The following WDR87 variants were observed in gnomAD, a reference collection of about 807,000 sequenced individuals.
The protein encoded by WDR87 is WD repeat-containing protein 87.
A neutral mutation model predicts 83.3 loss-of-function variants in WDR87; 56 were observed. The observed-to-expected ratio is 0.67, with a 90% CI of 0.54 to 0.84. The LOEUF (loss-of-function observed/expected upper bound fraction) is 0.84, where lower values mean the gene tolerates loss of function less well. WDR87 is among the 40% of genes least tolerant of loss of function. The probability of loss-of-function intolerance (pLI) is 0.00; values close to 1 mark genes in which losing one functional copy is unlikely to be tolerated. For synonymous variants in WDR87, 1,173 were observed against 1,250.6 expected (o/e 0.94, Z 1.31); for missense variants, 2,939 against 3,431.9 (o/e 0.86, Z 3.59).
intron 5 of WDR87, 96 bp downstream of exon 5, chr19:37,891,456 C>T: frequency 6.9e-7 from 1 of 1,445,578 alleles, no homozygotes; most frequent in Non-Finnish European, 9.2e-7. Flanking sequence ...GCCATCATGT[C>T]CCGCCAGCCC....
In WDR87 at chr19:37,889,156, C is replaced by T; in HGVS notation, c.4515G>A (p.Glu1505=). ...SWQDWKKAWD[E]WKQVHGETRK... ...TTGTCTCACCATGGACCTGTTTCCA[C>T]TCATCCCAGGCCTTTTTCCAGTCCT... is the stretch of plus-strand genomic sequence containing the variant. The change falls in exon 6 of 6, where the codon GAG becomes GAA. Residue 1505 remains glutamate (E), a synonymous_variant. Transcript: ENST00000447313. The T allele has an allele frequency of 6.4e-7, 1 of 1,552,328 alleles. No homozygotes were observed. Among genetic ancestry groups the T allele is most frequent in the African/African-American group, 1.4e-5 (1 of 73,156 alleles).
At position 37,896,143 on chromosome 19, in the gene WDR87, T is replaced by C. The variant is rs893299309; in HGVS notation, c.241A>G (p.Ile81Val). 2.6e-6 allele frequency: 4 copies of C among 1,552,156 alleles called. No individual in the cohort carries two copies. Among genetic ancestry groups the C allele is most frequent in the Non-Finnish European group, 3.5e-6 (4 of 1,147,112 alleles). The change falls in exon 3 of 6, where the codon ATA (isoleucine) becomes GTA (valine). Residue 81 changes from isoleucine (I) to valine (V), a missense_variant. Coordinates refer to ENST00000447313, the MANE Select transcript of WDR87 (RefSeq NM_001291088.2). ...LSWVTSNTKE[I>V]QAVAWMKSKT... ...GGTAAGAAAGGCAGTCTTACTTGTA[T>C]TTCTTTTGTGTTTGATGTCACCCAA...
rs1390571020 is a variant in WDR87 at position 37,889,818 on chromosome 19, G to C, written c.3853C>G (p.Leu1285Val). The change falls in exon 6 of 6, where the codon CTA (leucine) becomes GTA (valine). Residue 1285 changes from leucine to valine, a missense_variant. Physicochemically the swap from Leu to Val is conservative, Grantham distance 32. Around this residue, in one of 3 missense-constraint regions of WDR87, gnomAD observed 2,160 missense variants for 2,533.1 expected, o/e 0.85. Coordinates refer to ENST00000447313, the MANE Select transcript of WDR87 (RefSeq NM_001291088.2). ...AGDGSSWRDD[L>V]CRLMALRISG... is the part of the protein sequence containing the mutation. ...ATCCTCAGGGCCATAAGACGACATA[G>C]ATCGTCCCTCCATGATGAGCCATCT... is the stretch of plus-strand genomic sequence containing the variant. 5 of 1,551,640 alleles carry C rather than the reference G, an allele frequency of 3.2e-6. No individual in the cohort carries two copies. In the Admixed American group the frequency reaches 9.8e-5, roughly 30 times the overall value.
At chr19:37,899,605 T>G (rs1420988059) in intron 1 of WDR87, among the ~76,000 whole-genome samples, 1 of 152,044 alleles carries the variant, frequency 6.6e-6, no homozygotes, top group Non-Finnish European at 1.5e-5. Context: ...ACCTGGCTAA[T>G]TTTTGTTTCT....
intron 1 of WDR87, among the ~76,000 whole-genome samples, chr19:37,899,221 C>T (rs1369048326): frequency 6.6e-6 from 1 of 152,018 alleles, no homozygotes; most frequent in African/African-American, 2.4e-5. Flanking sequence ...GAGTTCGAGA[C>T]TAGCCTGGCT....
Position 37,891,773 on chromosome 19 carries a change from C to A in WDR87, c.3173G>T (p.Arg1058Leu), listed in dbSNP as rs142793562. ...EEPLDHLLGM[R>L]ATDLQILSTQ... ...GGAAAGGATTTGGAGATCTGTGGCCCGCATCCCCAGTAGATGGTCCAGGGG... is the reference window on the plus strand; with the variant it reads ...GGAAAGGATTTGGAGATCTGTGGCCAGCATCCCCAGTAGATGGTCCAGGGG... Residue 1058 changes from arginine to leucine, a missense_variant, in exon 5 of 6, where the codon CGG (arginine) becomes CTG (leucine). Physicochemically the swap from Arg to Leu is moderately radical, Grantham distance 102. Coordinates refer to ENST00000447313, the MANE Select transcript of WDR87 (RefSeq NM_001291088.2). 1 of 1,552,230 alleles carries A rather than the reference C, an allele frequency of 6.4e-7. No homozygotes were observed.
intron 2 of WDR87, among the ~76,000 whole-genome samples, chr19:37,897,454 C>CTGA (rs2145438238): frequency 6.6e-6 from 1 of 151,954 alleles, no homozygotes; most frequent in South Asian, 2.1e-4. Flanking sequence ...AGGTGATCTG[C>CTGA]CTACCTCGCC....
At position 37,887,808 on chromosome 19, in the gene WDR87, A is replaced by T. The variant is rs937479295; in HGVS notation, c.5863T>A (p.Leu1955Met). The change falls in exon 6 of 6, where the codon TTG becomes ATG. Residue 1955 changes from leucine to methionine, a missense_variant. Around this residue, in one of 3 missense-constraint regions of WDR87, gnomAD observed 2,160 missense variants for 2,533.1 expected, o/e 0.85. Transcript: ENST00000447313. ...GCCAAACTATCCTCTACTTGGACCA[A>T]TTTTTTCTCTGTTTCAGCCAGTTTC... is the stretch of plus-strand genomic sequence containing the variant. ...KEKLAETEKK[L>M]VQVEDSLAKK... is the part of the protein sequence containing the mutation. The T allele has an allele frequency of 3.2e-6, 5 of 1,550,274 alleles. No individual in the cohort carries two copies. The highest frequency in any genetic ancestry group is 3.9e-5 in the Admixed American group (2 of 50,682).
rs760393000 is a variant in WDR87, at chr19:37,887,365, C to G, written c.6306G>C (p.Arg2102Ser). The stretch of plus-strand genomic sequence containing the variant: ...TTGCTGGTTCCTTGGAAAGGCTCTC[C>G]CTTTTTTTAATCAACTTCCTTGAAG... ...AKASRKLIKK[R>S]ESLSKEPAKL... The change falls in exon 6 of 6, where the codon AGG becomes AGC. Residue 2102 changes from arginine to serine, a missense_variant. Physicochemically the swap from Arg to Ser is moderately radical, Grantham distance 110 (BLOSUM62 -1). Around this residue, in one of 3 missense-constraint regions of WDR87, gnomAD observed 2,160 missense variants for 2,533.1 expected, o/e 0.85. Coordinates refer to ENST00000447313, the MANE Select transcript of WDR87 (RefSeq NM_001291088.2). The G allele has an allele frequency of 1.2e-5, 18 of 1,551,496 alleles. No individual in the cohort carries two copies. In the South Asian group the frequency reaches 2.1e-4, roughly 18 times the overall value.
chr19:37,902,237 CAG>C (rs1187182418), intron 1 of WDR87, among the ~76,000 whole-genome samples: 1 of 151,750 alleles, frequency 6.6e-6, no homozygotes, highest in African/African-American at 2.4e-5. Context: ...TTTTTTGAGA[CAG>C]AGTCTCACTC....
In WDR87 at chr19:37,898,227, T is replaced by A; in HGVS notation, c.13A>T (p.Arg5Trp). ...AAATCTTTCCACAGGGGAATGAGCC[T>A]GGGGGAAGACATCACCGTCAGACTC... is the stretch of plus-strand genomic sequence containing the variant. MSSP[R>W]LIPLWKDLKL... Residue 5 changes from arginine to tryptophan, a missense_variant, in exon 2 of 6, where the codon AGG becomes TGG. Around this residue, in one of 3 missense-constraint regions of WDR87, gnomAD observed 226 missense variants for 320.9 expected, o/e 0.70. Coordinates refer to ENST00000447313, the MANE Select transcript of WDR87 (RefSeq NM_001291088.2). 6.4e-7 allele frequency: 1 copy of A among 1,551,670 alleles called. No individual in the cohort carries two copies. Among genetic ancestry groups the A allele is most frequent in the South Asian group, 1.2e-5 (1 of 84,042 alleles).
chr19:37,900,901 C>T (rs2046289473), intron 1 of WDR87, among the ~76,000 whole-genome samples: 1 of 147,774 alleles, frequency 6.8e-6, no homozygotes. Flanking sequence ...GTGGGAGGCT[C>T]ACTCGCTTTC....
Position 37,893,651 on chromosome 19 carries a change from AGTCAGCAGG to A in WDR87, c.2043_2051del (p.Leu682_Thr684del). ...CTGATATGCTCATAAAGGAAAGGCG[AGTCAGCAGG>A]GCTGGGGGAAGCAATTTTAAACAGG... On this transcript the variant is annotated inframe_deletion, in exon 4 of 6. Coordinates refer to ENST00000447313, the MANE Select transcript of WDR87 (RefSeq NM_001291088.2). 1 of 1,552,228 alleles carries A rather than the reference AGTCAGCAGG, an allele frequency of 6.4e-7. No homozygotes were observed. The highest frequency in any genetic ancestry group is 8.7e-7 in the Non-Finnish European group (1 of 1,147,110).
At chr19:37,895,581 A>C in intron 3 of WDR87, 125 bp from the exon 4 acceptor site, 2 of 771,114 alleles carry the variant, frequency 2.6e-6, no homozygotes, top group Non-Finnish European at 4.0e-6. Context: ...CAGCCTGGCC[A>C]ACATGGTGAA....
rs1306245561 is a variant in WDR87 at position 37,887,391 on chromosome 19, C to G, written c.6280G>C (p.Ala2094Pro). 1.9e-6 allele frequency: 3 copies of G among 1,551,666 alleles called. No individual in the cohort carries two copies. The highest frequency in any genetic ancestry group is 2.6e-6 in the Non-Finnish European group (3 of 1,146,988). The change falls in exon 6 of 6, where the codon GCT becomes CCT. Residue 2094 changes from alanine (A) to proline (P), a missense_variant. By Grantham distance (27) the Ala-to-Pro change is conservative (BLOSUM62 -1). This residue lies in a region of WDR87 where 2,160 missense variants were observed against 2,533.1 expected (regional missense o/e 0.85). Transcript: ENST00000447313. Reference sequence around the variant, plus strand: ...CTTTTTTTAATCAACTTCCTTGAAGCCTTGGCTAACTTTCTTTGCCCCTGG... The same window carrying G: ...CTTTTTTTAATCAACTTCCTTGAAGGCTTGGCTAACTTTCTTTGCCCCTGG... ...FVQGQRKLAK[A>P]SRKLIKKRES...
Position 37,900,560 on chromosome 19 carries a change from CA to C in WDR87, c.-46-2276del, listed in dbSNP as rs58946958. On this transcript the variant is annotated intron_variant, in intron 1 of 5. Transcript: ENST00000447313. ...TCAGTGACAGAGCAAGACTCCGTCT[CA>C]AAAAAAAAAAAAAAAAAAGACCCAA... is the stretch of plus-strand genomic sequence containing the variant. Among the ~76,000 whole-genome samples, 550 of 78,064 alleles carry C rather than the reference CA, an allele frequency of 7.0e-3. 7 individuals carry two copies. Among genetic ancestry groups the C allele is most frequent in the East Asian group, 9.7e-3 (23 of 2,372 alleles). 51.2% of individuals were successfully genotyped at this position (78,064 alleles called of 152,430 possible).
Position 37,886,240 on chromosome 19 carries a change from TTC to T in WDR87, c.7429_7430del (p.Glu2477SerfsTer6). 6.4e-7 allele frequency: 1 copy of T among 1,551,720 alleles called. No homozygotes were observed. Among genetic ancestry groups the T allele is most frequent in the Non-Finnish European group, 8.7e-7 (1 of 1,146,990 alleles). ...GTATGGGTTCATATTTTCCCATCACTTCTCTTTCTTTATCCATTGTCCCTAAG... is the reference window on the plus strand; with the variant it reads ...GTATGGGTTCATATTTTCCCATCACTTCTTTCTTTATCCATTGTCCCTAAG... ...KFLGTMDKER[E>X]VMGKYEPIPP... On this transcript the variant is annotated frameshift_variant, in exon 6 of 6. Transcript: ENST00000447313. LOFTEE classifies it low-confidence loss of function (END_TRUNC).
intron 5 of WDR87, among the ~76,000 whole-genome samples, chr19:37,890,587 A>G (rs1174135067): frequency 6.6e-6 from 1 of 152,156 alleles, no homozygotes; most frequent in Non-Finnish European, 1.5e-5. Flanking sequence ...ACCCATTTTA[A>G]GCAAACAGTT....
At chr19:37,904,749 A>G (rs1218449225) in intron 1 of WDR87, among the ~76,000 whole-genome samples, 2 of 152,236 alleles carry the variant, frequency 1.3e-5, no homozygotes, top group East Asian at 3.8e-4. Context: ...ATTAATACAT[A>G]TAACTCATTT....
Sources: allele counts gnomAD v4.1 joint callset (sites outside exome capture counted in the v4.1 genomes callset), GRCh38; gene constraint gnomAD v4.1.1; regional missense constraint gnomAD v4.1.1; transcripts MANE v1.5; gene names NCBI Gene and HGNC (gene_info 2026-07-23, HGNC 2026-07-21).